The following ZFHX3 variants were observed in gnomAD, a reference collection of about 807,000 sequenced individuals.
ZFHX3 encodes the protein zinc finger homeobox 3, also known as zinc finger homeobox protein 3.
A neutral mutation model predicts 279.1 loss-of-function variants in ZFHX3; 42 were observed. That is an observed-to-expected ratio of 0.15 (90% CI 0.12 to 0.19). ZFHX3 has a LOEUF of 0.19. ZFHX3 is among the 10% of genes least tolerant of loss of function. The probability of loss-of-function intolerance (pLI) is 1.00; values close to 1 mark genes in which losing one functional copy is unlikely to be tolerated. For missense variants in ZFHX3, 4,981 were observed against 4,754.0 expected (o/e 1.05, Z -1.40); for synonymous variants, 2,293 against 1,957.8 (o/e 1.17, Z -4.52).
At chr16:73,563,293 A>G (rs1365151271) in intron 2 of ZFHX3, among the ~76,000 whole-genome samples, 1 of 147,586 alleles carries the variant, frequency 6.8e-6, no homozygotes, top group Non-Finnish European at 1.5e-5. Context: ...GCTGGAGCGC[A>G]TTGGTGTGAT....
chr16:73,797,827 T>A (rs1960038635), intron 1 of ZFHX3, among the ~76,000 whole-genome samples: 2 of 148,678 alleles, frequency 1.3e-5, no homozygotes, highest in Admixed American at 6.7e-5. Flanking sequence ...TTTTTTTTTT[T>A]TTTTGAGAAG....
At chr16:73,807,955 A>G (rs1335998745) in intron 1 of ZFHX3, among the ~76,000 whole-genome samples, 3 of 152,042 alleles carry the variant, frequency 2.0e-5, no homozygotes, top group Middle Eastern at 3.2e-3. Context: ...CCACTCTTTT[A>G]CATTCAAGTA....
chr16:73,554,995 A>T (rs950327606), intron 2 of ZFHX3, among the ~76,000 whole-genome samples: 2 of 152,024 alleles, frequency 1.3e-5, no homozygotes, highest in African/African-American at 4.8e-5. Flanking sequence ...TTCCCACCCA[A>T]TGCCCCCTAA....
At chr16:72,849,579 T>C (rs929235126) in intron 4 of ZFHX3, among the ~76,000 whole-genome samples, 1 of 152,204 alleles carries the variant, frequency 6.6e-6, no homozygotes, top group African/African-American at 2.4e-5. Context: ...CTAATAGGTT[T>C]ATGGATAACA....
chr16:73,681,114 TA>T (rs2053005761), intron 1 of ZFHX3, among the ~76,000 whole-genome samples: 1 of 152,152 alleles, frequency 6.6e-6, no homozygotes, highest in South Asian at 2.1e-4. Flanking sequence ...ATTATTTAAG[TA>T]AAAAAGTGAA....
chr16:73,874,623 C>T (rs2142405076), intron 1 of ZFHX3, among the ~76,000 whole-genome samples: 1 of 152,284 alleles, frequency 6.6e-6, no homozygotes, highest in South Asian at 2.1e-4. Context: ...AAATATGTAA[C>T]ACCCTAATTT....
intron 7 of ZFHX3, among the ~76,000 whole-genome samples, chr16:73,112,180 C>A (rs907487949): frequency 1.3e-5 from 2 of 151,710 alleles, no homozygotes; most frequent in African/African-American, 4.9e-5. Context: ...GGCACCTGAT[C>A]TCAAGAGGGA....
intron 2 of ZFHX3, among the ~76,000 whole-genome samples, chr16:73,614,242 G>C (rs972639550): frequency 6.6e-6 from 1 of 152,192 alleles, no homozygotes; most frequent in Non-Finnish European, 1.5e-5. Context: ...GAAAGCCTTG[G>C]TCTGGTCAGG....
In ZFHX3 at chr16:72,798,455, G is replaced by T; in HGVS notation, c.4227C>A (p.Ala1409=). ...GCTGCAACTTTTCAATGGTCTTGAAGGCCAGGCTACACTGATTACAGCGGT... is the reference window on the plus strand; with the variant it reads ...GCTGCAACTTTTCAATGGTCTTGAATGCCAGGCTACACTGATTACAGCGGT... ...YKYRCNQCSL[A]FKTIEKLQLH... Residue 1409 remains alanine (A), a synonymous_variant, in exon 9 of 10, where the codon GCC becomes GCA. Coordinates refer to ENST00000268489, the MANE Select transcript of ZFHX3 (RefSeq NM_006885.4). The T allele has an allele frequency of 6.2e-7, 1 of 1,614,268 alleles. No individual in the cohort carries two copies. The highest frequency in any genetic ancestry group is 8.5e-7 in the Non-Finnish European group (1 of 1,180,046).
chr16:72,802,487 T>C (rs2036135391), intron 7 of ZFHX3, among the ~76,000 whole-genome samples: 3 of 152,164 alleles, frequency 2.0e-5, no homozygotes, highest in Middle Eastern at 3.2e-3. Flanking sequence ...TCTTGCCCCA[T>C]ATGTGTTTAA....
intron 5 of ZFHX3, among the ~76,000 whole-genome samples, chr16:73,215,791 C>T (rs1289677613): frequency 6.6e-6 from 1 of 152,076 alleles, no homozygotes; most frequent in Non-Finnish European, 1.5e-5. Flanking sequence ...AAAGGTGGAA[C>T]TTATTTCCTC....
chr16:73,371,802 A>G (rs1156449713), intron 3 of ZFHX3, among the ~76,000 whole-genome samples: 2 of 152,166 alleles, frequency 1.3e-5, no homozygotes, highest in African/African-American at 4.8e-5. Context: ...CCCTGAAGTC[A>G]ATGTCACTGG....
At chr16:73,216,099 C>A (rs532125978) in intron 5 of ZFHX3, among the ~76,000 whole-genome samples, 2 of 152,216 alleles carry the variant, frequency 1.3e-5, no homozygotes, top group Non-Finnish European at 2.9e-5. Context: ...ACAGAAGAAC[C>A]AAAGCAGGCC....
chr16:73,806,205 G>A (rs1048960943), intron 1 of ZFHX3, among the ~76,000 whole-genome samples: 5 of 152,174 alleles, frequency 3.3e-5, no homozygotes, highest in African/African-American at 1.2e-4. Context: ...CCCTTGACAC[G>A]TGGGGATTAT....
At chr16:73,695,869 G>A (rs748582073) in intron 1 of ZFHX3, among the ~76,000 whole-genome samples, 6 of 152,134 alleles carry the variant, frequency 3.9e-5, no homozygotes, top group Middle Eastern at 3.4e-3. Flanking sequence ...ACCCAGGCTC[G>A]GCAAGAAGGA....
In ZFHX3 at chr16:72,913,835, C is replaced by G. The variant is rs375297539; in HGVS notation, c.3217-23873G>C. 4.5e-4 allele frequency among the ~76,000 whole-genome samples: 69 copies of G among 152,296 alleles called. 1 individual carries two copies. Among genetic ancestry groups the G allele is most frequent in the African/African-American group, 1.5e-3 (61 of 41,550 alleles). ...GAGTTTGTTGTCTTTGTTTTGCATA[C>G]CTGGGCTCTCGACAATGGAAATGAA... is the stretch of plus-strand genomic sequence containing the variant. On this transcript the variant is annotated intron_variant, in intron 3 of 9. Transcript: ENST00000268489.
intron 3 of ZFHX3, among the ~76,000 whole-genome samples, chr16:73,319,415 T>A (rs1003116060): frequency 4.6e-5 from 7 of 152,028 alleles, no homozygotes; most frequent in Non-Finnish European, 8.8e-5. Flanking sequence ...AGAATCCACA[T>A]CTTTAATTGG....
At chr16:73,263,626 G>T (rs960272830) in intron 4 of ZFHX3, among the ~76,000 whole-genome samples, 2 of 152,132 alleles carry the variant, frequency 1.3e-5, no homozygotes, top group Non-Finnish European at 2.9e-5. Flanking sequence ...AGGGATAAAT[G>T]TATGACCTCC....
chr16:73,340,714 C>T (rs1229960246), intron 3 of ZFHX3, among the ~76,000 whole-genome samples: 1 of 152,100 alleles, frequency 6.6e-6, no homozygotes, highest in Non-Finnish European at 1.5e-5. Context: ...ACTGGCTAGA[C>T]AGTTTTTTGA....
Sources: allele counts gnomAD v4.1 joint callset (sites outside exome capture counted in the v4.1 genomes callset), GRCh38; gene constraint gnomAD v4.1.1; transcripts MANE v1.5; gene names NCBI Gene and HGNC (gene_info 2026-07-23, HGNC 2026-07-21).